SLC20A2: variants seen among roughly 807,000 people sequenced by gnomAD.
SLC20A2 encodes the protein solute carrier family 20 member 2, also known as sodium-dependent phosphate transporter 2.
Under a neutral mutation model 61.0 loss-of-function variants are expected in SLC20A2, and 30 were observed. The ratio of observed to expected loss-of-function variants is 0.49; its 90% CI spans 0.37 to 0.67. The LOEUF is 0.67. Ranked by LOEUF, SLC20A2 falls within the 30% of genes least tolerant of loss-of-function variation. SLC20A2 has a pLI of 0.00. For missense variants in SLC20A2, 626 were observed against 866.4 expected (o/e 0.72, Z 3.48); for synonymous variants, 351 against 353.3 (o/e 0.99, Z 0.07).
intron 1 of SLC20A2, among the ~76,000 whole-genome samples, chr8:42,499,920 C>T (rs1393694313): frequency 6.6e-6 from 1 of 152,210 alleles, no homozygotes; most frequent in Non-Finnish European, 1.5e-5. Context: ...TCCTTTCTTA[C>T]ACTCTTTTCC....
chr8:42,444,529 G>T, intron 6 of SLC20A2, 117 bp downstream of exon 6: 1 of 780,218 alleles, frequency 1.3e-6, no homozygotes, highest in Non-Finnish European at 2.2e-6. Context: ...GATGGGGTAT[G>T]TTCTGGAGTC....
rs34124953 is a variant in SLC20A2, at chr8:42,465,862, C to A, written c.345G>T (p.Thr115=). 2.5e-6 allele frequency: 4 copies of A among 1,613,444 alleles called. No individual in the cohort carries two copies. The highest frequency in any genetic ancestry group is 3.3e-5 in the Admixed American group (2 of 59,988). The change falls in exon 3 of 11, where the codon ACG becomes ACT. Residue 115 remains threonine, a synonymous_variant. Coordinates refer to ENST00000520262, the MANE Select transcript of SLC20A2 (RefSeq NM_001257180.2). ...CTATAGTAGAACCCACAATGCAGTG[C>A]GTTCCTGAGATTGGAAGCCTCAGGA... ...ASFLRLPISG[T]HCIVGSTIGF...
intron 1 of SLC20A2, among the ~76,000 whole-genome samples, chr8:42,498,382 G>A (rs1477848005): frequency 6.6e-6 from 1 of 152,174 alleles, no homozygotes; most frequent in Non-Finnish European, 1.5e-5. Context: ...AAAGCTCAGA[G>A]GAGCTGAATG....
intron 5 of SLC20A2, among the ~76,000 whole-genome samples, chr8:42,452,162 TGGAGGAGGA>T (rs373694377): frequency 1.2e-5 from 1 of 80,412 alleles, no homozygotes; most frequent in Non-Finnish European, 2.4e-5. Flanking sequence ...GAGGAAGAGA[TGGAGGAGGA>T]GGAGGAAGAG....
intron 3 of SLC20A2, among the ~76,000 whole-genome samples, chr8:42,463,766 G>C (rs1806892166): frequency 6.6e-6 from 1 of 152,166 alleles, no homozygotes; most frequent in African/African-American, 2.4e-5. Flanking sequence ...GCCTGGGATG[G>C]AAGGTGGGTT....
chr8:42,518,512 C>G (rs1390042135), intron 1 of SLC20A2, among the ~76,000 whole-genome samples: 2 of 152,154 alleles, frequency 1.3e-5, no homozygotes, highest in African/African-American at 4.8e-5. Context: ...ATCTAACAAA[C>G]CCTATGTCAT....
At chr8:42,429,182 G>A (rs1006777431) in intron 9 of SLC20A2, among the ~76,000 whole-genome samples, 1 of 152,186 alleles carries the variant, frequency 6.6e-6, no homozygotes, top group African/African-American at 2.4e-5. Flanking sequence ...TTTTAAAAAT[G>A]TGCACTAATT....
At chr8:42,469,815 C>T (rs1807480573) in intron 2 of SLC20A2, among the ~76,000 whole-genome samples, 1 of 151,710 alleles carries the variant, frequency 6.6e-6, no homozygotes, top group South Asian at 2.1e-4. Context: ...GTAATCCCAG[C>T]TACTTAGGAG....
intron 1 of SLC20A2, chr8:42,538,405 C>T (rs1812844398): frequency 6.6e-6 from 1 of 151,958 alleles, no homozygotes; most frequent in Admixed American, 6.6e-5. Context: ...CAATATAAAG[C>T]TATAAAAGAT....
intron 1 of SLC20A2, among the ~76,000 whole-genome samples, chr8:42,500,816 G>A (rs1275472064): frequency 1.3e-5 from 2 of 152,044 alleles, no homozygotes; most frequent in African/African-American, 2.4e-5. Flanking sequence ...AGTAAGAATC[G>A]AAAACTTTTT....
intron 1 of SLC20A2, among the ~76,000 whole-genome samples, chr8:42,491,438 T>TAGATTGC (rs982850633): frequency 1.1e-4 from 16 of 150,932 alleles, no homozygotes; most frequent in African/African-American, 3.9e-4. Flanking sequence ...CAGGGAGGTG[T>TAGATTGC]AGATTGCAGT....
At chr8:42,483,717 C>T (rs994209675) in intron 1 of SLC20A2, among the ~76,000 whole-genome samples, 2 of 152,210 alleles carry the variant, frequency 1.3e-5, no homozygotes, top group Admixed American at 1.3e-4. Context: ...GGTAGATATT[C>T]GTGAGCAAAT....
At chr8:42,517,712 A>C (rs1215137484) in intron 1 of SLC20A2, among the ~76,000 whole-genome samples, 1 of 152,120 alleles carries the variant, frequency 6.6e-6, no homozygotes, top group African/African-American at 2.4e-5. Flanking sequence ...AATATTCCTA[A>C]AATAGTTGAT....
At chr8:42,430,455 CCGGTTCAAG>C (rs1803774447) in intron 8 of SLC20A2, among the ~76,000 whole-genome samples, 1 of 151,206 alleles carries the variant, frequency 6.6e-6, no homozygotes, top group Non-Finnish European at 1.5e-5. Context: ...CTCCACCTCT[CCGGTTCAAG>C]CGATTCTCCT....
chr8:42,511,757 G>A (rs566983980), intron 1 of SLC20A2, among the ~76,000 whole-genome samples: 5 of 151,990 alleles, frequency 3.3e-5, no homozygotes, highest in African/African-American at 4.8e-5. Context: ...TACTTCCACA[G>A]GTCTCTTGAT....
rs34124953 is a variant in SLC20A2, at chr8:42,465,862, C to T, written c.345G>A (p.Thr115=). The change falls in exon 3 of 11, where the codon ACG becomes ACA. Residue 115 remains threonine (T), a synonymous_variant. Coordinates refer to ENST00000520262, the MANE Select transcript of SLC20A2 (RefSeq NM_001257180.2). ...CTATAGTAGAACCCACAATGCAGTGCGTTCCTGAGATTGGAAGCCTCAGGA... is the reference window on the plus strand; with the variant it reads ...CTATAGTAGAACCCACAATGCAGTGTGTTCCTGAGATTGGAAGCCTCAGGA... ...ASFLRLPISG[T]HCIVGSTIGF... is the part of the protein sequence containing the mutation. 11,209 of 1,613,402 alleles carry T rather than the reference C, an allele frequency of 6.9e-3. 75 individuals carry two copies. Among genetic ancestry groups the T allele is most frequent in the Middle Eastern group, 0.022 (135 of 6,060 alleles).
chr8:42,417,710 G>T lies in SLC20A2; in HGVS notation c.*93C>A. 1.4e-6 allele frequency: 2 copies of T among 1,389,462 alleles called. No individual in the cohort carries two copies. Among genetic ancestry groups the T allele is most frequent in the Non-Finnish European group, 2.0e-6 (2 of 993,424 alleles). The allele number at this position is 1,389,462 out of a possible 1,614,324, so 86.1% of individuals were successfully genotyped here. A position where few individuals can be genotyped will look rare whatever the true frequency, so the allele number is the denominator to read the frequency against. On this transcript the variant is annotated 3_prime_UTR_variant, in exon 11 of 11. Coordinates refer to ENST00000520262, the MANE Select transcript of SLC20A2 (RefSeq NM_001257180.2). ...GCTGGTCATGAGAGAGCCGTGCACGGCCAGGATGTGTATGTGCGGCACGAG... is the reference window on the plus strand; with the variant it reads ...GCTGGTCATGAGAGAGCCGTGCACGTCCAGGATGTGTATGTGCGGCACGAG...
At chr8:42,447,653 G>A (rs998059316) in intron 5 of SLC20A2, among the ~76,000 whole-genome samples, 6 of 152,134 alleles carry the variant, frequency 3.9e-5, no homozygotes, top group African/African-American at 1.4e-4. Flanking sequence ...CTCCAGCCTG[G>A]GCGACAGAGC....
chr8:42,500,142 TAGG>T (rs1810228740), intron 1 of SLC20A2, among the ~76,000 whole-genome samples: 1 of 152,218 alleles, frequency 6.6e-6, no homozygotes. Flanking sequence ...TCCTATCGCC[TAGG>T]AGAACTGTTT....
Sources: gnomAD v4.1 joint callset for allele counts (sites outside exome capture counted in the v4.1 genomes callset) on GRCh38, gnomAD v4.1.1 for gene constraint, MANE v1.5 for transcripts, NCBI Gene and HGNC (gene_info 2026-07-23, HGNC 2026-07-21) for gene names.